The following ADGRV1 variants were observed in gnomAD, a reference collection of about 807,000 sequenced individuals.
ADGRV1 encodes adhesion G protein-coupled receptor V1.
A neutral mutation model predicts 596.2 loss-of-function variants in ADGRV1; 359 were observed. The ratio of observed to expected loss-of-function variants is 0.60; its 90% confidence interval spans 0.55 to 0.66. ADGRV1 has a LOEUF of 0.66. ADGRV1 is among the 30% of genes least tolerant of loss of function. The pLI is 0.00. For missense variants in ADGRV1, 7,274 were observed against 7,575.6 expected, an observed-to-expected ratio of 0.96 and a Z score of 1.48; for synonymous variants, 2,681 against 2,679.2, an observed-to-expected ratio of 1.00 and a Z score of -0.02.
intron 21 of ADGRV1, among the ~76,000 whole-genome samples, chr5:90,665,372 T>G (rs1428338669): frequency 6.6e-6 from 1 of 151,438 alleles, no homozygotes; most frequent in East Asian, 1.9e-4. Flanking sequence ...ATTTATCCAT[T>G]TCTTCTAGAT....
chr5:90,999,052 T>G (rs1781647001), intron 85 of ADGRV1, among the ~76,000 whole-genome samples: 2 of 152,096 alleles, frequency 1.3e-5, no homozygotes, highest in Non-Finnish European at 2.9e-5. Flanking sequence ...TTTTTCTGAT[T>G]GCTTGCTCAT....
At chr5:91,040,687 A>G (rs1272205265) in intron 85 of ADGRV1, among the ~76,000 whole-genome samples, 2 of 152,228 alleles carry the variant, frequency 1.3e-5, no homozygotes, top group Non-Finnish European at 2.9e-5. Context: ...GATGATGACA[A>G]CAAGATACTG....
chr5:91,131,819 T>C (rs1009159309), intron 87 of ADGRV1, among the ~76,000 whole-genome samples: 2 of 152,230 alleles, frequency 1.3e-5, no homozygotes, highest in Admixed American at 6.5e-5. Flanking sequence ...TTGTCGATTT[T>C]TGTTTTTGTT....
intron 85 of ADGRV1, among the ~76,000 whole-genome samples, chr5:91,053,977 G>A (rs980487664): frequency 2.0e-5 from 3 of 152,076 alleles, no homozygotes; most frequent in East Asian, 3.9e-4. Context: ...TTTTCCGTTA[G>A]CATAAGATCA....
chr5:90,721,629 C>T (rs1052100880), intron 45 of ADGRV1, among the ~76,000 whole-genome samples: 1 of 134,850 alleles, frequency 7.4e-6, no homozygotes, highest in African/African-American at 2.8e-5. Context: ...GCACTGAACT[C>T]GTGGATCTTA....
intron 71 of ADGRV1, among the ~76,000 whole-genome samples, chr5:90,803,881 C>T (rs1761647198): frequency 6.6e-6 from 1 of 152,062 alleles, no homozygotes; most frequent in Non-Finnish European, 1.5e-5. Flanking sequence ...ATTTCCTACT[C>T]CTTATCCATG....
At chr5:91,147,646 T>C (rs1237815166) in intron 87 of ADGRV1, among the ~76,000 whole-genome samples, 2 of 152,124 alleles carry the variant, frequency 1.3e-5, no homozygotes, top group African/African-American at 2.4e-5. Flanking sequence ...TGGAACTGAG[T>C]CAATTAAACC....
At position 91,117,119 on chromosome 5, in the gene ADGRV1, G is replaced by C. The variant is rs568112402; in HGVS notation, c.18432+14779G>C. 5.3e-5 allele frequency among the ~76,000 whole-genome samples: 8 copies of C among 152,120 alleles called. No homozygotes were observed. The South Asian group carries it at 1.7e-3, about 32-fold the overall frequency. On this transcript the variant is annotated intron_variant, in intron 87 of 89. Coordinates refer to ENST00000405460, the MANE Select transcript of ADGRV1 (RefSeq NM_032119.4). ...AAAAATCTAATATGTAAGCATTTGA[G>C]GAAAACAAAAGAATTTGAATTCATC... is the stretch of plus-strand genomic sequence containing the variant.
At chr5:90,936,050 G>A (rs1172486576) in intron 83 of ADGRV1, among the ~76,000 whole-genome samples, 1 of 152,060 alleles carries the variant, frequency 6.6e-6, no homozygotes, top group African/African-American at 2.4e-5. Flanking sequence ...TCCATGATGA[G>A]GCCTGAAAAT....
intron 11 of ADGRV1, among the ~76,000 whole-genome samples, chr5:90,639,369 G>A (rs1766682392): frequency 1.3e-5 from 2 of 152,108 alleles, no homozygotes; most frequent in Non-Finnish European, 2.9e-5. Context: ...TTAGCTGACA[G>A]TTTCTACTCT....
At chr5:91,012,193 A>G (rs1415607778) in intron 85 of ADGRV1, among the ~76,000 whole-genome samples, 1 of 151,910 alleles carries the variant, frequency 6.6e-6, no homozygotes, top group East Asian at 1.9e-4. Flanking sequence ...ACTTCTAAAC[A>G]AAATTTGATT....
rs1793056225 is a variant in ADGRV1, at chr5:91,118,658, AG to A, written c.18432+16322del. Among the ~76,000 whole-genome samples, 6 of 152,206 alleles carry A rather than the reference AG, an allele frequency of 3.9e-5. No homozygotes were observed. In the South Asian group the frequency reaches 1.2e-3, roughly 32 times the overall value. On this transcript the variant is annotated intron_variant, in intron 87 of 89. Coordinates refer to ENST00000405460, the MANE Select transcript of ADGRV1 (RefSeq NM_032119.4). ...TCCAGAGTGTGATCTTCTTGAGATCAGGGGCCATGATTTAAAAATCTCCCAT... is the reference window on the plus strand; with the variant it reads ...TCCAGAGTGTGATCTTCTTGAGATCAGGGCCATGATTTAAAAATCTCCCAT...
At position 90,864,686 on chromosome 5, in the gene ADGRV1, G is replaced by T. The variant is rs921331163; in HGVS notation, c.17856+829G>T. On this transcript the variant is annotated intron_variant, in intron 83 of 89. Transcript: ENST00000405460. Reference sequence around the variant, plus strand: ...GGCCTAGACATTTATATAGGCAAAGGAAAAAAAGCATAATCACTTCTACTT... The same window carrying T: ...GGCCTAGACATTTATATAGGCAAAGTAAAAAAAGCATAATCACTTCTACTT... 2.6e-5 allele frequency among the ~76,000 whole-genome samples: 4 copies of T among 151,818 alleles called. No individual in the cohort carries two copies. The South Asian group carries it at 8.3e-4, about 31-fold the overall frequency.
Position 90,972,959 on chromosome 5 carries a change from A to T in ADGRV1, c.17973+7428A>T, listed in dbSNP as rs921317533. 7.9e-5 allele frequency among the ~76,000 whole-genome samples: 12 copies of T among 152,336 alleles called. No individual in the cohort carries two copies. The South Asian group carries it at 2.3e-3, about 29-fold the overall frequency. The stretch of plus-strand genomic sequence containing the variant: ...ACAAAACTGATAGACCACTAGCAAG[A>T]CTAATAAAGAAGAAAAGAGAGAAGA... On this transcript the variant is annotated intron_variant, in intron 84 of 89. Transcript: ENST00000405460.
intron 38 of ADGRV1, among the ~76,000 whole-genome samples, 168 bp downstream of exon 38, chr5:90,706,562 T>C (rs751490412): frequency 3.3e-5 from 5 of 151,978 alleles, no homozygotes; most frequent in Non-Finnish European, 5.9e-5. Flanking sequence ...CATATATTTT[T>C]CCTTATTATT....
At chr5:90,599,764 A>G (rs1319380296) in intron 1 of ADGRV1, among the ~76,000 whole-genome samples, 3 of 152,144 alleles carry the variant, frequency 2.0e-5, no homozygotes, top group South Asian at 2.1e-4. Flanking sequence ...TATGAGGCGG[A>G]TGGAGAAATA....
intron 59 of ADGRV1, 84 bp from the exon 60 acceptor site, chr5:90,774,102 A>G (rs1281382931): frequency 1.1e-4 from 63 of 595,860 alleles, no homozygotes; most frequent in Admixed American, 3.1e-5. Flanking sequence ...GATTATGGAC[A>G]TAAACGTTAT....
intron 34 of ADGRV1, among the ~76,000 whole-genome samples, chr5:90,698,514 G>C (rs926342572): frequency 5.9e-5 from 9 of 152,264 alleles, no homozygotes; most frequent in African/African-American, 2.2e-4. Flanking sequence ...ACTCACGTCT[G>C]CTGCAGAACC....
chr5:91,081,680 G>T (rs1471895274), intron 86 of ADGRV1, among the ~76,000 whole-genome samples: 1 of 152,106 alleles, frequency 6.6e-6, no homozygotes, highest in East Asian at 1.9e-4. Flanking sequence ...CAGCTACTTG[G>T]GAGGCTGAGG....
Sources: gnomAD v4.1 joint callset for allele counts (sites outside exome capture counted in the v4.1 genomes callset) on GRCh38, gnomAD v4.1.1 for gene constraint, MANE v1.5 for transcripts, NCBI Gene and HGNC (gene_info 2026-07-23, HGNC 2026-07-21) for gene names.